The following ATP2C2 variants were observed in gnomAD, a reference collection of about 807,000 sequenced individuals.
The protein encoded by ATP2C2 is calcium-transporting ATPase type 2C member 2.
Under a neutral mutation model 110.8 loss-of-function variants are expected in ATP2C2, and 171 were observed. The observed-to-expected ratio is 1.54, with a 90% CI of 1.36 to 1.75. The LOEUF (loss-of-function observed/expected upper bound fraction) is 1.75, where lower values mean the gene tolerates loss of function less well. Ranked by LOEUF, ATP2C2 falls within the 40% of genes most tolerant of loss-of-function variation. The pLI is 0.00. For missense variants in ATP2C2, 1,963 were observed against 1,235.0 expected (o/e 1.59, Z -8.84); for synonymous variants, 804 against 508.4 (o/e 1.58, Z -7.82).
chr16:84,372,595 T>G (rs2151392597), intron 1 of ATP2C2, among the ~76,000 whole-genome samples: 1 of 152,058 alleles, frequency 6.6e-6, no homozygotes, highest in Non-Finnish European at 1.5e-5. Flanking sequence ...CAGCTAATTT[T>G]TGTACTTTTA....
intron 1 of ATP2C2, among the ~76,000 whole-genome samples, chr16:84,391,992 A>C (rs190033259): frequency 4.6e-5 from 7 of 151,298 alleles, no homozygotes; most frequent in Admixed American, 4.6e-4. Flanking sequence ...ATTTGATGAC[A>C]TATCAGTGAC....
intron 1 of ATP2C2, among the ~76,000 whole-genome samples, chr16:84,391,021 G>C (rs1302766588): frequency 1.3e-5 from 2 of 148,222 alleles, no homozygotes; most frequent in African/African-American, 2.5e-5. Context: ...GGGTGAGGCA[G>C]GAGAATGGCT....
At chr16:84,412,136 C>T (rs1361758991) in intron 6 of ATP2C2, among the ~76,000 whole-genome samples, 1 of 152,150 alleles carries the variant, frequency 6.6e-6, no homozygotes, top group Non-Finnish European at 1.5e-5. Flanking sequence ...GCCTTACTTT[C>T]CCAAGTAGCT....
chr16:84,452,750 C>T (rs549405581), intron 18 of ATP2C2, among the ~76,000 whole-genome samples: 24 of 152,184 alleles, frequency 1.6e-4, no homozygotes, highest in African/African-American at 4.6e-4. Flanking sequence ...CTGCCCACCT[C>T]GGCCTCACAA....
At chr16:84,396,998 A>G (rs919885706) in intron 1 of ATP2C2, among the ~76,000 whole-genome samples, 7 of 151,774 alleles carry the variant, frequency 4.6e-5, no homozygotes, top group African/African-American at 1.5e-4. Context: ...GGGATTTGCA[A>G]TCTCTATTAC....
rs539009485 is a variant in ATP2C2, at chr16:84,454,516, C to G, written c.1981-302C>G. Among the ~76,000 whole-genome samples, 149 of 149,908 alleles carry G rather than the reference C, an allele frequency of 9.9e-4. 5 individuals are homozygous for G. Among genetic ancestry groups the G allele is most frequent in the Admixed American group, 9.8e-3 (148 of 15,084 alleles). On this transcript the variant is annotated intron_variant, in intron 20 of 26. Transcript: ENST00000262429. Reference sequence around the variant, plus strand: ...TGTTGATTACTGTTTATTACTGGGACTGGATAACCTTTATGAGCCTTTACT... The same window carrying G: ...TGTTGATTACTGTTTATTACTGGGAGTGGATAACCTTTATGAGCCTTTACT...
intron 1 of ATP2C2, among the ~76,000 whole-genome samples, chr16:84,378,934 G>A (rs1230479685): frequency 6.6e-6 from 1 of 151,992 alleles, no homozygotes; most frequent in Non-Finnish European, 1.5e-5. Flanking sequence ...CTCTACTCCA[G>A]CCACTCCTCT....
intron 1 of ATP2C2, among the ~76,000 whole-genome samples, chr16:84,385,118 G>T (rs1368552543): frequency 6.6e-6 from 1 of 152,160 alleles, no homozygotes; most frequent in Non-Finnish European, 1.5e-5. Context: ...GGTTTGATGG[G>T]CTCACGGTTC....
intron 1 of ATP2C2, among the ~76,000 whole-genome samples, chr16:84,395,777 G>C (rs1232720730): frequency 2.0e-5 from 3 of 151,422 alleles, no homozygotes; most frequent in Non-Finnish European, 4.4e-5. Flanking sequence ...TGGGATTATA[G>C]GTATGAGCCA....
Position 84,441,922 on chromosome 16 carries a change from C to CGAAT in ATP2C2, c.1312-572_1312-569dup, listed in dbSNP as rs376465083. Reference sequence around the variant, plus strand: ...TGGGTAATAGAATGAGACTCCATCTCGAATGAATGAATGAATGAAACAAAA... The same window carrying CGAAT: ...TGGGTAATAGAATGAGACTCCATCTCGAATGAATGAATGAATGAATGAAACAAAA... On this transcript the variant is annotated intron_variant, in intron 14 of 26. Transcript: ENST00000262429. 4.2e-3 allele frequency among the ~76,000 whole-genome samples: 637 copies of CGAAT among 150,040 alleles called. 5 individuals carry two copies. The highest frequency in any genetic ancestry group is 0.015 in the African/African-American group (606 of 40,754).
chr16:84,403,762 C>G (rs1350447455), intron 2 of ATP2C2, among the ~76,000 whole-genome samples: 1 of 151,974 alleles, frequency 6.6e-6, no homozygotes, highest in Non-Finnish European at 1.5e-5. Flanking sequence ...GCGATCTCAG[C>G]TCACTGCAAC....
At chr16:84,391,960 T>C (rs564436847) in intron 1 of ATP2C2, among the ~76,000 whole-genome samples, 172 of 152,204 alleles carry the variant, frequency 1.1e-3, no homozygotes, top group African/African-American at 4.0e-3. Context: ...CGACGATTGT[T>C]CTGCAAAAGG....
rs752488164 is a variant in ATP2C2, at chr16:84,446,449, C to T, written c.1503+19C>T. 2 of 1,540,722 alleles carry T rather than the reference C, an allele frequency of 1.3e-6. No individual in the cohort carries two copies. Among genetic ancestry groups the T allele is most frequent in the South Asian group, 1.2e-5 (1 of 82,024 alleles). On this transcript the variant is annotated intron_variant, in intron 16 of 26. Coordinates refer to ENST00000262429, the MANE Select transcript of ATP2C2 (RefSeq NM_014861.4). ...GACTGAGGTGAGACCTTTCAATCTT[C>T]AACCTCTTCTCTCTTTCTGCCCGGG...
chr16:84,397,283 C>A (rs995715013), intron 1 of ATP2C2, among the ~76,000 whole-genome samples: 1 of 151,700 alleles, frequency 6.6e-6, no homozygotes, highest in African/African-American at 2.4e-5. Context: ...TTTCCCCTCC[C>A]CTTTTCTTTG....
At position 84,400,332 on chromosome 16, in the gene ATP2C2, G is replaced by GT. The variant is rs975512851; in HGVS notation, c.210+1735dup. Among the ~76,000 whole-genome samples the GT allele has an allele frequency of 7.1e-3, 1,034 of 146,634 alleles. 27 individuals carry two copies. Among genetic ancestry groups the GT allele is most frequent in the African/African-American group, 0.025 (980 of 38,520 alleles). ...ATAGTTGTATTTTTAGTTTTTTGTT[G>GT]TTTTTTTTTTTTGAGATGGAGTCTC... is the stretch of plus-strand genomic sequence containing the variant. On this transcript the variant is annotated intron_variant, in intron 2 of 26. Transcript: ENST00000262429.
chr16:84,453,234 A>T lies in ATP2C2; in HGVS notation c.1928A>T (p.Lys643Met). The T allele has an allele frequency of 1.2e-6, 2 of 1,613,962 alleles. No individual in the cohort carries two copies. The highest frequency in any genetic ancestry group is 1.3e-5 in the African/African-American group (1 of 75,030). Residue 643 changes from lysine (K) to methionine (M), a missense_variant and splice_region_variant, in exon 19 of 27, where the codon AAG becomes ATG. Lys to Met is a moderately conservative substitution (Grantham distance 95). Transcript: ENST00000262429. ...EKGELADRVG[K>M]VSVFFRTSPK... is the part of the protein sequence containing the mutation. ...GGCGAGCTGGCCGACCGCGTGGGGAAGGTGGGTCCCCGGAGGCTTGGCTGG... is the reference window on the plus strand; with the variant it reads ...GGCGAGCTGGCCGACCGCGTGGGGATGGTGGGTCCCCGGAGGCTTGGCTGG...
intron 1 of ATP2C2, among the ~76,000 whole-genome samples, chr16:84,397,960 G>A (rs1419447677): frequency 1.3e-5 from 2 of 151,834 alleles, no homozygotes; most frequent in African/African-American, 2.4e-5. Flanking sequence ...TTGAAACCAT[G>A]ACAGCAGTTA....
In ATP2C2 at chr16:84,422,519, G is replaced by C. The variant is rs752270464; in HGVS notation, c.754G>C (p.Val252Leu). The change falls in exon 8 of 27, where the codon GTG (valine) becomes CTG (leucine). Residue 252 changes from valine (V) to leucine (L), a missense_variant. Transcript: ENST00000262429. ...CAACATCGTCTTCATGGGGACCCTG[G>C]TGCAGTATGGGAGGGGCCAGGTAAG... ...LSNIVFMGTL[V>L]QYGRGQGVVI... 6.2e-7 allele frequency: 1 copy of C among 1,614,104 alleles called. No homozygotes were observed. The highest frequency in any genetic ancestry group is 1.3e-5 in the African/African-American group (1 of 74,998).
intron 26 of ATP2C2, among the ~76,000 whole-genome samples, chr16:84,463,301 T>G (rs768890407): frequency 6.6e-6 from 1 of 152,140 alleles, no homozygotes; most frequent in Non-Finnish European, 1.5e-5. Flanking sequence ...AGCAGGGCAC[T>G]GGGACAGCTG....
Sources: gnomAD v4.1 joint callset for allele counts (sites outside exome capture counted in the v4.1 genomes callset) on GRCh38, gnomAD v4.1.1 for gene constraint, MANE v1.5 for transcripts, NCBI Gene and HGNC (gene_info 2026-07-23, HGNC 2026-07-21) for gene names.